Variants in SLC1A7 observed in about 807,000 individuals in gnomAD.
The protein encoded by SLC1A7 is solute carrier family 1 member 7, also known as excitatory amino acid transporter 5.
Under a neutral mutation model 47.7 loss-of-function variants are expected in SLC1A7, and 40 were observed. That is an observed-to-expected ratio of 0.84 (90% CI 0.65 to 1.09). The LOEUF (loss-of-function observed/expected upper bound fraction) is 1.09. SLC1A7 is among the 50% of genes least tolerant of loss of function. SLC1A7 has a pLI of 0.00. For synonymous variants in SLC1A7, 323 were observed against 325.6 expected (o/e 0.99, Z 0.09); for missense variants, 746 against 769.5 (o/e 0.97, Z 0.36).
At chr1:53,094,246 G>A (rs1029333404) in intron 5 of SLC1A7, among the ~76,000 whole-genome samples, 1 of 152,238 alleles carries the variant, frequency 6.6e-6, no homozygotes, top group African/African-American at 2.4e-5. Flanking sequence ...TCAATGGTGA[G>A]TGAGGACTAG....
At chr1:53,121,703 C>T (rs886815748) in intron 2 of SLC1A7, among the ~76,000 whole-genome samples, 2 of 152,168 alleles carry the variant, frequency 1.3e-5, no homozygotes, top group Admixed American at 6.6e-5. Context: ...TGTGTTGGGC[C>T]GCACTTGGCT....
At chr1:53,090,415 G>A (rs1037475223) in intron 8 of SLC1A7, 197 bp downstream of exon 8, 14 of 860,632 alleles carry the variant, frequency 1.6e-5, no homozygotes, top group South Asian at 9.6e-5. Flanking sequence ...CCTGGCCTCC[G>A]CTCGCCCTGT....
At chr1:53,131,217 C>T (rs1408308278) in intron 2 of SLC1A7, among the ~76,000 whole-genome samples, 1 of 152,158 alleles carries the variant, frequency 6.6e-6, no homozygotes, top group Non-Finnish European at 1.5e-5. Context: ...CTGGACGGGC[C>T]TTCGTTGCTG....
chr1:53,122,037 T>A (rs1205266428), intron 2 of SLC1A7, among the ~76,000 whole-genome samples: 3 of 151,762 alleles, frequency 2.0e-5, no homozygotes, highest in African/African-American at 7.3e-5. Flanking sequence ...GGGCAGGTGC[T>A]GTGTGGTCCG....
chr1:53,101,676 T>C (rs1644583495), intron 5 of SLC1A7, among the ~76,000 whole-genome samples: 1 of 148,798 alleles, frequency 6.7e-6, no homozygotes, highest in Non-Finnish European at 1.5e-5. Context: ...CTTGGTACAC[T>C]CACAAACCAT....
Position 53,129,945 on chromosome 1 carries a change from C to T in SLC1A7, c.215+4405G>A, listed in dbSNP as rs533708720. Among the ~76,000 whole-genome samples, 5 of 152,304 alleles carry T rather than the reference C, an allele frequency of 3.3e-5. No homozygotes were observed. In the East Asian group the frequency reaches 9.7e-4, roughly 30 times the overall value. On this transcript the variant is annotated intron_variant, in intron 2 of 10. Transcript: ENST00000371494. ...CACGGAGGGGGCCATGCCGCTGGCC[C>T]GACCCCTTGACAGTGGCTTTCTTGT...
At chr1:53,111,219 G>T (rs1644697971) in intron 3 of SLC1A7, among the ~76,000 whole-genome samples, 1 of 152,160 alleles carries the variant, frequency 6.6e-6, no homozygotes, top group East Asian at 1.9e-4. Flanking sequence ...GTGAGGGAAG[G>T]AGCTGCATGC....
intron 2 of SLC1A7, among the ~76,000 whole-genome samples, chr1:53,117,743 C>T (rs537934083): frequency 2.6e-5 from 4 of 152,118 alleles, no homozygotes; most frequent in African/African-American, 9.7e-5. Context: ...CCTCAGAAGG[C>T]CCCCCACCGG....
chr1:53,090,105 G>A, intron 8 of SLC1A7, 171 bp from the exon 9 acceptor site: 3 of 678,476 alleles, frequency 4.4e-6, no homozygotes, highest in Non-Finnish European at 7.8e-6. Flanking sequence ...CCTCCTCACA[G>A]TCCTGAAGCC....
chr1:53,129,288 G>A (rs1233899317), intron 2 of SLC1A7, among the ~76,000 whole-genome samples: 10 of 152,134 alleles, frequency 6.6e-5, no homozygotes, highest in Non-Finnish European at 1.3e-4. Context: ...TAATAACCTC[G>A]TGAAGGAGGT....
intron 1 of SLC1A7, 90 bp from the exon 2 acceptor site, chr1:53,134,519 C>G (rs1018590825): frequency 1.3e-6 from 1 of 770,876 alleles, no homozygotes; most frequent in African/African-American, 1.7e-5. Context: ...ACTATCCCAT[C>G]TGACTCCCCT....
At chr1:53,106,578 C>A (rs138100050) in intron 3 of SLC1A7, among the ~76,000 whole-genome samples, 1 of 141,238 alleles carries the variant, frequency 7.1e-6, no homozygotes, top group Non-Finnish European at 1.5e-5. Flanking sequence ...CCAGCCTGGG[C>A]GGCAGAGCAA....
intron 5 of SLC1A7, chr1:53,103,107 G>A: frequency 2.3e-6 from 1 of 440,590 alleles, no homozygotes; most frequent in Non-Finnish European, 4.0e-6. Flanking sequence ...AGGGATGCCA[G>A]CTGCGGGCCT....
intron 6 of SLC1A7, 54 bp from the exon 7 acceptor site, chr1:53,092,841 GC>G: frequency 8.4e-7 from 1 of 1,189,680 alleles, no homozygotes; most frequent in Non-Finnish European, 1.3e-6. Flanking sequence ...ACACACCCCG[GC>G]CCCAGCCCCG....
chr1:53,138,613 C>A (rs1218191652), intron 1 of SLC1A7, among the ~76,000 whole-genome samples: 1 of 151,692 alleles, frequency 6.6e-6, no homozygotes, highest in Non-Finnish European at 1.5e-5. Context: ...GGCAATCCAC[C>A]CGCCTTGGCC....
intron 7 of SLC1A7, chr1:53,091,112 G>T: frequency 1.4e-6 from 1 of 693,346 alleles, no homozygotes; most frequent in Middle Eastern, 3.9e-4. Context: ...GGGCCAGGCT[G>T]TCTGGGCTTA....
intron 3 of SLC1A7, chr1:53,108,461 AT>A: frequency 1.5e-6 from 1 of 657,514 alleles, no homozygotes; most frequent in South Asian, 1.8e-5. Context: ...CAGAAGTCCT[AT>A]TATGTTGTGG....
chr1:53,092,865 G>T, intron 6 of SLC1A7, 78 bp from the exon 7 acceptor site: 1 of 954,804 alleles, frequency 1.0e-6, no homozygotes. Flanking sequence ...TCGCTGCGCG[G>T]CCTTCCCCCT....
chr1:53,141,125 C>G (rs1229669784), intron 1 of SLC1A7, among the ~76,000 whole-genome samples: 1 of 152,130 alleles, frequency 6.6e-6, no homozygotes, highest in East Asian at 1.9e-4. Flanking sequence ...TGTCCTTGGG[C>G]CTTGTCTTCA....
Sources: gnomAD v4.1 joint callset for allele counts (sites outside exome capture counted in the v4.1 genomes callset) on GRCh38, gnomAD v4.1.1 for gene constraint, MANE v1.5 for transcripts, NCBI Gene and HGNC (gene_info 2026-07-23, HGNC 2026-07-21) for gene names.